The following ZNF407 variants were observed in gnomAD, a reference collection of about 807,000 sequenced individuals.
ZNF407 encodes zinc finger protein 407.
ZNF407 carries 17 observed loss-of-function variants against 131.2 expected under a neutral mutation model. That is an observed-to-expected ratio of 0.13 (90% CI 0.09 to 0.19). The LOEUF is 0.19. Ranked by LOEUF, ZNF407 falls within the 10% of genes least tolerant of loss-of-function variation. The pLI is 1.00. For synonymous variants in ZNF407, 1,156 were observed against 1,062.0 expected (o/e 1.09, Z -1.72); for missense variants, 2,681 against 2,830.6 (o/e 0.95, Z 1.20).
chr18:74,924,657 AC>A (rs1190151193), intron 8 of ZNF407, among the ~76,000 whole-genome samples: 1 of 152,070 alleles, frequency 6.6e-6, no homozygotes, highest in African/African-American at 2.4e-5. Context: ...CTGCAGTCTG[AC>A]CCCATGTGTA....
intron 8 of ZNF407, among the ~76,000 whole-genome samples, chr18:75,059,280 A>G (rs971081190): frequency 5.9e-5 from 9 of 152,204 alleles, no homozygotes; most frequent in Admixed American, 5.9e-4. Flanking sequence ...TACAAAGTAA[A>G]GAACAATTGC....
rs1413231486 is a variant in ZNF407 at position 74,703,805 on chromosome 18, T to C, written c.4802+62683T>C. ...TACTAACAGAAATCCCCAGACTCTTTCTAAATATACAGTTTTGTTGATTAA... is the reference window on the plus strand; with the variant it reads ...TACTAACAGAAATCCCCAGACTCTTCCTAAATATACAGTTTTGTTGATTAA... On this transcript the variant is annotated intron_variant, in intron 3 of 8. Coordinates refer to ENST00000299687, the MANE Select transcript of ZNF407 (RefSeq NM_017757.3). This position sits in a 1 kb window ranked among gnomAD's most constrained non-coding sequence, Gnocchi z 4.1. 2.0e-5 allele frequency among the ~76,000 whole-genome samples: 3 copies of C among 152,208 alleles called. No homozygotes were observed. The highest frequency in any genetic ancestry group is 4.4e-5 in the Non-Finnish European group (3 of 68,036).
intron 3 of ZNF407, among the ~76,000 whole-genome samples, chr18:74,675,525 T>A (rs1210296031): frequency 6.6e-6 from 1 of 152,206 alleles, no homozygotes; most frequent in East Asian, 1.9e-4. Context: ...AAATAAGTAG[T>A]AGAGTCAAAC....
chr18:75,054,387 C>T (rs1012188898), intron 8 of ZNF407, among the ~76,000 whole-genome samples: 3 of 152,182 alleles, frequency 2.0e-5, no homozygotes, highest in African/African-American at 7.2e-5. Context: ...TGTCTGTTTC[C>T]TCTCATTTCC....
intron 8 of ZNF407, among the ~76,000 whole-genome samples, chr18:74,921,790 G>A (rs1486624377): frequency 6.6e-6 from 1 of 152,178 alleles, no homozygotes; most frequent in African/African-American, 2.4e-5. Context: ...TAGTAGTGGT[G>A]GGGATGTGGG....
intron 7 of ZNF407, among the ~76,000 whole-genome samples, chr18:74,917,361 C>T (rs2554107): frequency 0.035 from 5,279 of 152,080 alleles, 327 homozygotes; most frequent in African/African-American, 0.12. Context: ...CATAAAAACA[C>T]GGTGTGTATA....
intron 3 of ZNF407, among the ~76,000 whole-genome samples, chr18:74,685,131 CTT>C (rs1967067210): frequency 6.6e-6 from 1 of 151,968 alleles, no homozygotes; most frequent in Non-Finnish European, 1.5e-5. Context: ...AACTCAAAGT[CTT>C]AAGGATTATA....
intron 8 of ZNF407, among the ~76,000 whole-genome samples, chr18:75,059,711 C>T (rs1973602202): frequency 1.3e-5 from 2 of 152,180 alleles, no homozygotes; most frequent in South Asian, 4.2e-4. Flanking sequence ...TATGCTCAGG[C>T]GGAAAGGAAG....
At chr18:74,615,302 C>T (rs564666087) in intron 1 of ZNF407, among the ~76,000 whole-genome samples, 101 of 152,298 alleles carry the variant, frequency 6.6e-4, no homozygotes, top group African/African-American at 2.3e-3. Flanking sequence ...GTCAAGAGAT[C>T]GAGACCATCC....
chr18:75,010,600 A>G (rs1174543812), intron 8 of ZNF407, among the ~76,000 whole-genome samples: 1 of 152,170 alleles, frequency 6.6e-6, no homozygotes, highest in Non-Finnish European at 1.5e-5. Context: ...TCACATTGGA[A>G]TCAGCAGCAG....
At chr18:74,960,121 G>T (rs567033900) in intron 8 of ZNF407, among the ~76,000 whole-genome samples, 1 of 152,328 alleles carries the variant, frequency 6.6e-6, no homozygotes, top group South Asian at 2.1e-4. Context: ...TGTTCATTTA[G>T]GTAAAAGTGC....
In ZNF407 at chr18:74,861,777, A is replaced by T. The variant is rs899477091; in HGVS notation, c.4878-15420A>T. Among the ~76,000 whole-genome samples, 41 of 152,156 alleles carry T rather than the reference A, an allele frequency of 2.7e-4. 1 individual carries two copies. The highest frequency in any genetic ancestry group is 9.7e-4 in the African/African-American group (40 of 41,438). On this transcript the variant is annotated intron_variant, in intron 4 of 8. Transcript: ENST00000299687. ...TTCGTGTTATATTCAATACCCTTTC[A>T]TGTTTTTCATTTAAAAAATATTTTT...
At chr18:74,981,199 C>G (rs566559041) in intron 8 of ZNF407, among the ~76,000 whole-genome samples, 98 of 152,368 alleles carry the variant, frequency 6.4e-4, no homozygotes, top group African/African-American at 2.2e-3. Context: ...GGGCACAGAA[C>G]AGCCACCTAG....
chr18:74,599,482 C>G (rs1445337449), intron 1 of ZNF407, among the ~76,000 whole-genome samples: 1 of 152,110 alleles, frequency 6.6e-6, no homozygotes, highest in Non-Finnish European at 1.5e-5. Context: ...ATATACTTCC[C>G]TAGAGGATTT....
At chr18:74,846,606 G>A (rs1318160491) in intron 4 of ZNF407, among the ~76,000 whole-genome samples, 1 of 151,734 alleles carries the variant, frequency 6.6e-6, no homozygotes, top group African/African-American at 2.4e-5. Flanking sequence ...CAAAGTGCTG[G>A]GATTACAGGT....
intron 8 of ZNF407, among the ~76,000 whole-genome samples, chr18:74,966,299 C>G (rs1318036490): frequency 6.6e-6 from 1 of 152,106 alleles, no homozygotes; most frequent in Admixed American, 6.5e-5. Context: ...AGTTTGAGGT[C>G]TTAGATTTAA....
At chr18:74,890,143 C>A in intron 7 of ZNF407, 105 bp downstream of exon 7, 1 of 1,266,956 alleles carries the variant, frequency 7.9e-7, no homozygotes, top group Non-Finnish European at 1.0e-6. Context: ...ACCATGAGTT[C>A]ATATATTCGG....
chr18:74,893,710 C>A (rs1330229369), intron 7 of ZNF407, among the ~76,000 whole-genome samples: 1 of 152,092 alleles, frequency 6.6e-6, no homozygotes, highest in Non-Finnish European at 1.5e-5. Context: ...GTATTATTTT[C>A]ATAGATTTAA....
At chr18:74,951,743 G>GT (rs1568280901) in intron 8 of ZNF407, among the ~76,000 whole-genome samples, 5 of 152,012 alleles carry the variant, frequency 3.3e-5, no homozygotes, top group Non-Finnish European at 7.4e-5. Flanking sequence ...TAGTCTGTGT[G>GT]TTTTTTATGG....
Sources: gnomAD v4.1 joint callset for allele counts (sites outside exome capture counted in the v4.1 genomes callset) on GRCh38, gnomAD v4.1.1 for gene constraint, Gnocchi (gnomAD v3.1) non-coding constraint, MANE v1.5 for transcripts, NCBI Gene and HGNC (gene_info 2026-07-23, HGNC 2026-07-21) for gene names.